The following TET3 variants were observed in gnomAD, a reference collection of about 807,000 sequenced individuals.
The protein encoded by TET3 is tet methylcytosine dioxygenase 3.
Under a neutral mutation model 141.4 loss-of-function variants are expected in TET3, and 19 were observed. The observed-to-expected ratio is 0.13, with a 90% confidence interval of 0.09 to 0.20. TET3 has a LOEUF of 0.20. Ranked by LOEUF, TET3 falls within the 10% of genes least tolerant of loss-of-function variation. The pLI, the probability that TET3 is intolerant of heterozygous loss-of-function variation, is 1.00. For missense variants in TET3, 1,874 were observed against 2,356.9 expected (o/e 0.80, Z 4.24); for synonymous variants, 1,043 against 980.9 (o/e 1.06, Z -1.18).
the TET3 span, chr2:74,122,511 A>ATATATATT: frequency 2.1e-5 from 1 of 47,556 alleles, no homozygotes; most frequent in East Asian, 9.1e-4. Context: ...ATATATATAT[A>ATATATATT]TTTTTTTTTT....
In TET3 at chr2:74,102,276, C is replaced by T; in HGVS notation, c.*100C>T. 1 of 1,353,182 alleles carries T rather than the reference C, an allele frequency of 7.4e-7. No homozygotes were observed. Among genetic ancestry groups the T allele is most frequent in the Non-Finnish European group, 9.5e-7 (1 of 1,054,644 alleles). The allele number at this position is 1,353,182 out of a possible 1,614,324, so 83.8% of individuals were successfully genotyped here. ...GGGGGCGGGTTGGGGGTGCAGAAGT[C>T]TTTTTATCTCTATATACATATATAG... On this transcript the variant is annotated 3_prime_UTR_variant, in exon 12 of 12. Coordinates refer to ENST00000409262, the MANE Select transcript of TET3 (RefSeq NM_001287491.2).
intron 3 of TET3, among the ~76,000 whole-genome samples, chr2:74,005,622 C>T (rs1178082745): frequency 1.3e-5 from 2 of 152,112 alleles, no homozygotes; most frequent in African/African-American, 2.4e-5. Context: ...CCCTGGGACA[C>T]GGGACACGGG....
intron 2 of TET3, among the ~76,000 whole-genome samples, chr2:74,000,983 G>A (rs1684823049): frequency 6.6e-6 from 1 of 152,136 alleles, no homozygotes; most frequent in African/African-American, 2.4e-5. Flanking sequence ...GGGGGTAGGT[G>A]TGAGGGCAGG....
intron 4 of TET3, among the ~76,000 whole-genome samples, chr2:74,063,040 CGCCTG>C (rs1688683247): frequency 6.6e-6 from 1 of 151,852 alleles, no homozygotes; most frequent in Non-Finnish European, 1.5e-5. Flanking sequence ...TGCACCACCA[CGCCTG>C]GCTAATTTTT....
chr2:73,987,116 A>G (rs546993061), intron 2 of TET3, among the ~76,000 whole-genome samples: 1 of 152,338 alleles, frequency 6.6e-6, no homozygotes, highest in Non-Finnish European at 1.5e-5. Context: ...TTGGATTGAC[A>G]GGGTGGTTTT....
chr2:74,061,654 T>C (rs1688582737), intron 4 of TET3, among the ~76,000 whole-genome samples: 1 of 147,030 alleles, frequency 6.8e-6, no homozygotes, highest in Admixed American at 6.7e-5. Context: ...GCTCCTCACT[T>C]CCCAGACGGG....
intron 6 of TET3, among the ~76,000 whole-genome samples, chr2:74,085,268 T>G (rs1690059278): frequency 6.6e-6 from 1 of 152,156 alleles, no homozygotes; most frequent in Admixed American, 6.5e-5. Flanking sequence ...GGCTGGAATT[T>G]CCCCCAGGCG....
intron 3 of TET3, among the ~76,000 whole-genome samples, chr2:74,003,634 T>C (rs1684995125): frequency 6.7e-6 from 1 of 150,264 alleles, no homozygotes; most frequent in Non-Finnish European, 1.5e-5. Flanking sequence ...TCATTAGTCA[T>C]GCTGCTGTCA....
chr2:74,133,284 A>G, the TET3 span, among the ~76,000 whole-genome samples: 8 of 152,340 alleles, frequency 5.3e-5, no homozygotes, highest in South Asian at 1.7e-3. Context: ...ATGAACAAAC[A>G]TATTAATTAT....
chr2:74,026,740 T>A (rs1360508850), intron 3 of TET3, among the ~76,000 whole-genome samples: 2 of 152,016 alleles, frequency 1.3e-5, no homozygotes, highest in Non-Finnish European at 2.9e-5. Flanking sequence ...TTTTTTTTTT[T>A]AATTCTAAGG....
chr2:74,013,144 G>A (rs917618729), intron 3 of TET3, among the ~76,000 whole-genome samples: 2 of 151,950 alleles, frequency 1.3e-5, no homozygotes, highest in Non-Finnish European at 2.9e-5. Context: ...ACAGGCACAT[G>A]CCATCATGCC....
At chr2:74,109,090 C>G (rs1022451508), downstream of TET3, among the ~76,000 whole-genome samples, 11 of 152,148 alleles carry the variant, frequency 7.2e-5, no homozygotes, top group Non-Finnish European at 1.6e-4. Context: ...ACCTGCTTTC[C>G]TCCTTGAGTT....
chr2:74,031,768 C>T (rs1686703990), intron 3 of TET3, among the ~76,000 whole-genome samples: 2 of 152,182 alleles, frequency 1.3e-5, no homozygotes. Context: ...GAATGAAAAA[C>T]TTAGGTCTTA....
At chr2:74,021,596 C>T (rs1471171549) in intron 3 of TET3, among the ~76,000 whole-genome samples, 2 of 152,206 alleles carry the variant, frequency 1.3e-5, no homozygotes, top group Non-Finnish European at 2.9e-5. Flanking sequence ...CACCCTCAAC[C>T]CCATAGGATT....
intron 10 of TET3, among the ~76,000 whole-genome samples, 183 bp from the exon 11 acceptor site, chr2:74,099,093 G>A (rs907663221): frequency 6.6e-6 from 1 of 152,174 alleles, no homozygotes; most frequent in African/African-American, 2.4e-5. Context: ...TGTAAATGCT[G>A]GTGATACTGT....
In TET3 at chr2:74,106,225, G is replaced by GCTAT. The variant is rs1691498689; in HGVS notation, c.*4052_*4055dup. On this transcript the variant is annotated 3_prime_UTR_variant, in exon 12 of 12. Transcript: ENST00000409262. ...CCAAACAAAGCAAGTCGAGAAGGCA[G>GCTAT]CTATCTCCCTTTCTGTGATCGGGAG... is the stretch of plus-strand genomic sequence containing the variant. 1.3e-5 allele frequency: 2 copies of GCTAT among 152,270 alleles called. No individual in the cohort carries two copies. The highest frequency in any genetic ancestry group is 1.3e-4 in the Admixed American group (2 of 15,280). The allele number at this position is 152,270 out of a possible 1,614,324, so 9.4% of individuals were successfully genotyped here.
At chr2:74,086,170 T>C (rs1029823035) in intron 6 of TET3, among the ~76,000 whole-genome samples, 2 of 152,220 alleles carry the variant, frequency 1.3e-5, no homozygotes, top group African/African-American at 4.8e-5. Flanking sequence ...ACCCTCATCC[T>C]TCCCCTGCCC....
intron 2 of TET3, chr2:73,998,636 C>T (rs933056568): frequency 6.6e-6 from 1 of 152,344 alleles, no homozygotes. Context: ...AATTGTGAGG[C>T]CTGATCAGTG....
intron 4 of TET3, among the ~76,000 whole-genome samples, chr2:74,056,546 A>G (rs1688226277): frequency 1.3e-5 from 2 of 152,130 alleles, no homozygotes; most frequent in South Asian, 2.1e-4. Flanking sequence ...GGGGGGGAAA[A>G]AAAGAACCAC....
Sources: allele counts gnomAD v4.1 joint callset (sites outside exome capture counted in the v4.1 genomes callset), GRCh38; gene constraint gnomAD v4.1.1; transcripts MANE v1.5; gene names NCBI Gene and HGNC (gene_info 2026-07-23, HGNC 2026-07-21).